CCDC125: variants seen among roughly 807,000 people sequenced by gnomAD.
CCDC125 encodes the protein coiled-coil domain-containing protein 125.
Under a neutral mutation model 57.4 loss-of-function variants are expected in CCDC125, and 43 were observed. The ratio of observed to expected loss-of-function variants is 0.75; its 90% CI spans 0.59 to 0.97. CCDC125 has a LOEUF of 0.97. CCDC125 is among the 50% of genes least tolerant of loss of function. The pLI is 0.00. For synonymous variants in CCDC125, 187 were observed against 195.2 expected, an observed-to-expected ratio of 0.96 and a Z score of 0.35; for missense variants, 563 against 595.7, an observed-to-expected ratio of 0.95 and a Z score of 0.57.
chr5:69,292,795 T>C (rs2150355348), intron 9 of CCDC125, among the ~76,000 whole-genome samples: 1 of 152,242 alleles, frequency 6.6e-6, no homozygotes, highest in Admixed American at 6.5e-5. Context: ...TTGACTTTGA[T>C]CAATGTAATC....
rs1197015039 is a variant in CCDC125, at chr5:69,283,005, A to C, written c.1260T>G (p.His420Gln). ...CAAGCATGTAGCTAACTTTTCTTTG[A>C]TGAGCCAAAGCTTCTTCTTTATCAT... ...LLNDKEEALAHQRKVSYMLAR... is the reference protein window; with the variant it reads ...LLNDKEEALAQQRKVSYMLAR... The change falls in exon 12 of 12, where the codon CAT becomes CAG. Residue 420 changes from histidine (H) to glutamine (Q), a missense_variant. Coordinates refer to ENST00000396496, the MANE Select transcript of CCDC125 (RefSeq NM_176816.5). The C allele has an allele frequency of 6.2e-7, 1 of 1,604,538 alleles. No homozygotes were observed.
intron 4 of CCDC125, 132 bp from the exon 5 acceptor site, chr5:69,308,160 C>A: frequency 1.5e-6 from 1 of 679,798 alleles, no homozygotes; most frequent in Non-Finnish European, 2.6e-6. Flanking sequence ...CAGTGACCAC[C>A]TTTTATGGAG....
chr5:69,309,279 C>T, intron 4 of CCDC125: 1 of 152,216 alleles, frequency 6.6e-6, no homozygotes, highest in Non-Finnish European at 1.5e-5. Context: ...GCAGCAGCCT[C>T]TCTCATCACA....
intron 8 of CCDC125, among the ~76,000 whole-genome samples, chr5:69,297,534 T>C (rs1755573723): frequency 6.6e-6 from 1 of 151,490 alleles, no homozygotes; most frequent in Non-Finnish European, 1.5e-5. Flanking sequence ...TAATTTTGTA[T>C]TTTAGTGGAG....
intron 8 of CCDC125, among the ~76,000 whole-genome samples, chr5:69,295,423 A>G (rs1325644415): frequency 6.6e-6 from 1 of 152,226 alleles, no homozygotes; most frequent in Non-Finnish European, 1.5e-5. Flanking sequence ...ATTCCTGTGT[A>G]AAAGAATAAA....
chr5:69,320,211 A>C, intron 2 of CCDC125, 26 bp downstream of exon 2: 1 of 1,583,056 alleles, frequency 6.3e-7, no homozygotes, highest in Non-Finnish European at 8.6e-7. Flanking sequence ...AGGAGAAAGA[A>C]AGGAGAGGAA....
chr5:69,285,685 GAC>G (rs1561400957), intron 10 of CCDC125, among the ~76,000 whole-genome samples: 1 of 152,188 alleles, frequency 6.6e-6, no homozygotes, highest in Non-Finnish European at 1.5e-5. Context: ...TGTGCCAGCT[GAC>G]ACACAGGCCA....
At chr5:69,283,846 G>A (rs1358792387) in intron 11 of CCDC125, among the ~76,000 whole-genome samples, 1 of 149,492 alleles carries the variant, frequency 6.7e-6, no homozygotes, top group Admixed American at 6.8e-5. Context: ...TTGGAGTGCA[G>A]TTGCATGATC....
chr5:69,277,790 A>G (rs1267099080), downstream of CCDC125, among the ~76,000 whole-genome samples: 2 of 151,850 alleles, frequency 1.3e-5, no homozygotes, highest in Admixed American at 6.6e-5. Context: ...AAAATGTAGT[A>G]GTGGTGTAGT....
intron 1 of CCDC125, among the ~76,000 whole-genome samples, chr5:69,332,256 T>C (rs1761508444): frequency 6.6e-6 from 1 of 152,266 alleles, no homozygotes; most frequent in Non-Finnish European, 1.5e-5. Context: ...AGAATTCCTG[T>C]GTACCTTTTA....
chr5:69,282,787 T>C lies in CCDC125; in HGVS notation c.1478A>G (p.Asp493Gly). Residue 493 changes from aspartate to glycine, a missense_variant, in exon 12 of 12, where the codon GAT becomes GGT. Coordinates refer to ENST00000396496, the MANE Select transcript of CCDC125 (RefSeq NM_176816.5). ...CICSIQHSQI[D>G]PNYRTLKRSH... ...TCTTTTAAGAGTTCTATAGTTTGGA[T>C]CTATTTGAGAGTGCTGGATTGAACA... is the stretch of plus-strand genomic sequence containing the variant. The C allele has an allele frequency of 6.2e-7, 1 of 1,613,280 alleles. No individual in the cohort carries two copies. Among genetic ancestry groups the C allele is most frequent in the South Asian group, 1.1e-5 (1 of 90,650 alleles).
chr5:69,311,518 G>C (rs544582522), intron 3 of CCDC125, among the ~76,000 whole-genome samples: 4 of 152,084 alleles, frequency 2.6e-5, no homozygotes, highest in Admixed American at 1.3e-4. Flanking sequence ...TGGGCGTGGT[G>C]GTGCATGCCT....
At chr5:69,285,833 A>G (rs1048861745) in intron 10 of CCDC125, among the ~76,000 whole-genome samples, 1 of 152,050 alleles carries the variant, frequency 6.6e-6, no homozygotes, top group African/African-American at 2.4e-5. Context: ...CCAACCTAAC[A>G]AAACATGTCT....
At chr5:69,276,030 T>TTTTAC (rs1275966753), downstream of CCDC125, among the ~76,000 whole-genome samples, 1 of 152,016 alleles carries the variant, frequency 6.6e-6, no homozygotes, top group Non-Finnish European at 1.5e-5. Flanking sequence ...AGGGAGTCTT[T>TTTTAC]TTTTCTTTTC....
At chr5:69,322,032 G>A (rs2150619107) in intron 1 of CCDC125, among the ~76,000 whole-genome samples, 1 of 152,158 alleles carries the variant, frequency 6.6e-6, no homozygotes. Flanking sequence ...GTAGAGACGG[G>A]GTTTCTCCAT....
At chr5:69,287,679 C>A (rs1322322904) in intron 10 of CCDC125, among the ~76,000 whole-genome samples, 4 of 151,816 alleles carry the variant, frequency 2.6e-5, no homozygotes, top group Non-Finnish European at 5.9e-5. Flanking sequence ...AAGCGATCCT[C>A]CCACTTCAGC....
At chr5:69,285,057 G>A (rs1055318167) in intron 11 of CCDC125, among the ~76,000 whole-genome samples, 3 of 151,810 alleles carry the variant, frequency 2.0e-5, no homozygotes, top group East Asian at 1.9e-4. Context: ...AGATCGCGCC[G>A]CTGCACTCCA....
At chr5:69,288,715 A>T (rs1051450980) in intron 10 of CCDC125, among the ~76,000 whole-genome samples, 1 of 152,264 alleles carries the variant, frequency 6.6e-6, no homozygotes, top group East Asian at 1.9e-4. Context: ...AGTCAGGAGC[A>T]GCAGAGACAA....
chr5:69,294,727 T>G lies in CCDC125; in HGVS notation c.924+66A>C, dbSNP rs58849526. 14,615 of 1,176,460 alleles carry G rather than the reference T, an allele frequency of 0.012. 1,357 individuals are homozygous for G. The African/African-American group carries it at 0.2, about 16-fold the overall frequency. 72.9% of individuals were successfully genotyped at this position (1,176,460 alleles called of 1,614,324 possible). A position where few individuals can be genotyped will look rare whatever the true frequency, so the allele number is the denominator to read the frequency against. On this transcript the variant is annotated intron_variant, in intron 9 of 11. Coordinates refer to ENST00000396496, the MANE Select transcript of CCDC125 (RefSeq NM_176816.5). ...AAATGAAGTTAATTATTGCAAACAT[T>G]TCCATTTATTCTACTATTAACAGAG...
Sources: allele counts gnomAD v4.1 joint callset (sites outside exome capture counted in the v4.1 genomes callset), GRCh38; gene constraint gnomAD v4.1.1; transcripts MANE v1.5; gene names NCBI Gene and HGNC (gene_info 2026-07-23, HGNC 2026-07-21).